PLCB4: variants seen among roughly 807,000 people sequenced by gnomAD.
PLCB4 encodes phospholipase C beta 4.
A neutral mutation model predicts 178.8 loss-of-function variants in PLCB4; 77 were observed. The observed-to-expected ratio is 0.43, with a 90% CI of 0.36 to 0.52. PLCB4 has a LOEUF of 0.52. Among genes scored for constraint, PLCB4 ranks in the 20% least tolerant of loss-of-function variants. The pLI is 0.00. For synonymous variants in PLCB4, 496 were observed against 490.8 expected, an observed-to-expected ratio of 1.01 and a Z score of -0.14; for missense variants, 1,024 against 1,453.4, an observed-to-expected ratio of 0.70 and a Z score of 4.80.
chr20:9,441,984 A>T (rs1364084024), intron 30 of PLCB4, among the ~76,000 whole-genome samples: 1 of 152,142 alleles, frequency 6.6e-6, no homozygotes, highest in Non-Finnish European at 1.5e-5. Context: ...TTAGCAATTA[A>T]GAGAAAACAA....
chr20:9,376,526 A>G (rs1447573923), intron 12 of PLCB4, among the ~76,000 whole-genome samples: 1 of 152,140 alleles, frequency 6.6e-6, no homozygotes, highest in Non-Finnish European at 1.5e-5. Context: ...ATAATATGAA[A>G]ATAGCAAACT....
chr20:9,300,518 G>A (rs949688077), intron 3 of PLCB4, among the ~76,000 whole-genome samples: 4 of 152,238 alleles, frequency 2.6e-5, no homozygotes, highest in African/African-American at 9.6e-5. Context: ...GTTTGGCTTC[G>A]GGGGAGCTGC....
chr20:9,185,279 A>G (rs1010402973), intron 2 of PLCB4, among the ~76,000 whole-genome samples: 1 of 152,190 alleles, frequency 6.6e-6, no homozygotes, highest in African/African-American at 2.4e-5. Flanking sequence ...ATAGAAACCT[A>G]GTGTTTGACT....
Position 9,479,890 on chromosome 20 carries a change from C to T in PLCB4, c.*881C>T, listed in dbSNP as rs1023301889. ...ACTATGTTTGCATGATACACAAGCA[C>T]CAATAAAGACTAATCCATACACAGT... On this transcript the variant is annotated 3_prime_UTR_variant, in exon 40 of 40. Transcript: ENST00000378473. 1 of 152,310 alleles carries T rather than the reference C, an allele frequency of 6.6e-6. No homozygotes were observed. Among genetic ancestry groups the T allele is most frequent in the African/African-American group, 2.4e-5 (1 of 41,400 alleles). 9.4% of individuals were successfully genotyped at this position (152,310 alleles called of 1,614,324 possible). A position where few individuals can be genotyped will look rare whatever the true frequency, so the allele number is the denominator to read the frequency against.
chr20:9,329,325 T>C (rs2031267488), intron 4 of PLCB4, among the ~76,000 whole-genome samples: 1 of 152,200 alleles, frequency 6.6e-6, no homozygotes, highest in Non-Finnish European at 1.5e-5. Flanking sequence ...GAAGACTCCT[T>C]GTACTGACAC....
intron 18 of PLCB4, among the ~76,000 whole-genome samples, chr20:9,394,693 A>G (rs781253703): frequency 1.3e-5 from 2 of 152,100 alleles, no homozygotes; most frequent in Non-Finnish European, 2.9e-5. Context: ...TGTTTGTGCA[A>G]CCCTCTCCTT....
intron 7 of PLCB4, among the ~76,000 whole-genome samples, chr20:9,346,113 T>C (rs577002770): frequency 2.0e-5 from 3 of 152,312 alleles, no homozygotes; most frequent in African/African-American, 7.2e-5. Context: ...TCTGGGGACT[T>C]CTTAGAAAGG....
chr20:9,281,686 AT>A (rs2094495904), intron 3 of PLCB4, among the ~76,000 whole-genome samples: 1 of 151,978 alleles, frequency 6.6e-6, no homozygotes, highest in Admixed American at 6.6e-5. Context: ...GTGGAGCTGA[AT>A]GATTTTGCAA....
At chr20:9,076,207 C>T (rs1453856779) in intron 1 of PLCB4, among the ~76,000 whole-genome samples, 1 of 152,118 alleles carries the variant, frequency 6.6e-6, no homozygotes, top group African/African-American at 2.4e-5. Context: ...TGGCTCACGC[C>T]TGTAATTTCA....
intron 7 of PLCB4, among the ~76,000 whole-genome samples, chr20:9,348,482 A>G (rs116434917): frequency 1.8e-3 from 274 of 152,262 alleles, no homozygotes; most frequent in African/African-American, 6.4e-3. Flanking sequence ...TTTTTCTCTG[A>G]GGAACCTGTT....
intron 2 of PLCB4, among the ~76,000 whole-genome samples, chr20:9,142,974 A>G (rs1041327806): frequency 1.3e-5 from 2 of 152,110 alleles, no homozygotes; most frequent in African/African-American, 4.8e-5. Flanking sequence ...TACCTTGCCA[A>G]CTGCTTTTCC....
At chr20:9,407,864 C>A in intron 21 of PLCB4, 53 bp from the exon 22 acceptor site, 6 of 1,503,830 alleles carry the variant, frequency 4.0e-6, no homozygotes, top group South Asian at 1.3e-5. Flanking sequence ...AGCACGTATC[C>A]GTGGGTCCTA....
chr20:9,478,398 A>G (rs1055288004), intron 39 of PLCB4, among the ~76,000 whole-genome samples: 2 of 152,200 alleles, frequency 1.3e-5, no homozygotes, highest in Non-Finnish European at 2.9e-5. Flanking sequence ...CAGCCAATCC[A>G]ATGTAATATG....
chr20:9,349,714 A>G (rs2148148087), intron 7 of PLCB4, among the ~76,000 whole-genome samples: 1 of 152,328 alleles, frequency 6.6e-6, no homozygotes, highest in Middle Eastern at 3.4e-3. Flanking sequence ...CCACCAAGGG[A>G]ATGCAAAATG....
chr20:9,251,148 T>C (rs1478240149), intron 3 of PLCB4, among the ~76,000 whole-genome samples: 2 of 152,204 alleles, frequency 1.3e-5, no homozygotes, highest in Admixed American at 6.5e-5. Context: ...GGTGTGCAAA[T>C]TGAGCTGTTG....
At chr20:9,164,258 A>T (rs1209161905) in intron 2 of PLCB4, among the ~76,000 whole-genome samples, 8 of 151,822 alleles carry the variant, frequency 5.3e-5, no homozygotes, top group Admixed American at 5.2e-4. Flanking sequence ...CTGAAAGAAC[A>T]TTTTCTCAAG....
intron 4 of PLCB4, among the ~76,000 whole-genome samples, chr20:9,327,863 AATAACCTGTGAG>A (rs2030962198): frequency 6.6e-6 from 1 of 152,246 alleles, no homozygotes; most frequent in Non-Finnish European, 1.5e-5. Flanking sequence ...AATGCCCAGA[AATAACCTGTGAG>A]ATAGGTATTG....
At chr20:9,237,111 A>G (rs546080028) in intron 3 of PLCB4, among the ~76,000 whole-genome samples, 6 of 152,158 alleles carry the variant, frequency 3.9e-5, no homozygotes, top group South Asian at 4.2e-4. Context: ...ATTATACTTT[A>G]TTTTTCCTCA....
chr20:9,262,636 G>T (rs546516852), intron 3 of PLCB4, among the ~76,000 whole-genome samples: 30 of 152,288 alleles, frequency 2.0e-4, no homozygotes, highest in Admixed American at 1.4e-3. Context: ...ACTTGCAGAA[G>T]GTTACATGGT....
Sources: gnomAD v4.1 joint callset for allele counts (sites outside exome capture counted in the v4.1 genomes callset) on GRCh38, gnomAD v4.1.1 for gene constraint, MANE v1.5 for transcripts, NCBI Gene and HGNC (gene_info 2026-07-23, HGNC 2026-07-21) for gene names.